Variants in SEPTIN11 observed in about 807,000 individuals in gnomAD.
The protein encoded by SEPTIN11 is septin 11.
A neutral mutation model predicts 51.4 loss-of-function variants in SEPTIN11; 25 were observed. The ratio of observed to expected loss-of-function variants is 0.49; its 90% confidence interval spans 0.35 to 0.68. SEPTIN11 has a LOEUF of 0.68. SEPTIN11 is among the 30% of genes least tolerant of loss of function. SEPTIN11 has a pLI of 0.00. For missense variants in SEPTIN11, 381 were observed against 520.8 expected, an observed-to-expected ratio of 0.73 and a Z score of 2.61; for synonymous variants, 174 against 184.1, an observed-to-expected ratio of 0.95 and a Z score of 0.44.
intron 1 of SEPTIN11, among the ~76,000 whole-genome samples, chr4:76,966,925 G>C (rs528734413): frequency 6.6e-6 from 1 of 152,106 alleles, no homozygotes; most frequent in Non-Finnish European, 1.5e-5. Flanking sequence ...TTAGAAAAGT[G>C]CTTAACCTGG....
chr4:76,949,795 C>G lies in SEPTIN11; in HGVS notation c.-109C>G. ...GCCAGCGGGACGCCGGCGAGCAGAG[C>G]GCAGCCGCGAGGGAGGCGCGAGGGA... On this transcript the variant is annotated 5_prime_UTR_variant, in exon 1 of 10. Transcript: ENST00000264893. 1 of 1,237,004 alleles carries G rather than the reference C, an allele frequency of 8.1e-7. No homozygotes were observed. The highest frequency in any genetic ancestry group is 1.1e-6 in the Non-Finnish European group (1 of 898,526). The allele number at this position is 1,237,004 out of a possible 1,614,324, so 76.6% of individuals were successfully genotyped here.
intron 8 of SEPTIN11, among the ~76,000 whole-genome samples, chr4:77,029,939 A>G (rs1034838941): frequency 5.9e-5 from 9 of 152,132 alleles, no homozygotes; most frequent in African/African-American, 1.7e-4. Flanking sequence ...CACTTTTACC[A>G]CTAGGGTGAG....
At chr4:77,019,312 A>G (rs755566840) in intron 6 of SEPTIN11, 51 bp downstream of exon 6, 4 of 1,452,044 alleles carry the variant, frequency 2.8e-6, no homozygotes, top group Non-Finnish European at 3.8e-6. Flanking sequence ...CCCTATGTGA[A>G]TGGCCGTGTT....
chr4:77,003,982 G>GAA (rs1427925565), intron 2 of SEPTIN11, among the ~76,000 whole-genome samples: 3 of 152,050 alleles, frequency 2.0e-5, no homozygotes, highest in Non-Finnish European at 4.4e-5. Flanking sequence ...GATTAAGAAA[G>GAA]AAAAAAGGTA....
chr4:76,973,508 C>T (rs1722341993), intron 1 of SEPTIN11, among the ~76,000 whole-genome samples: 1 of 152,230 alleles, frequency 6.6e-6, no homozygotes, highest in African/African-American at 2.4e-5. Context: ...GGTTCCTCAT[C>T]AGCTCTTCAG....
At chr4:76,971,563 ATTAGATTTAGAT>A (rs142726124) in intron 1 of SEPTIN11, among the ~76,000 whole-genome samples, 7 of 151,668 alleles carry the variant, frequency 4.6e-5, no homozygotes, top group Non-Finnish European at 5.9e-5. Flanking sequence ...TTAGCTTAAG[ATTAGATTTAGAT>A]TTAGATTTAG....
In SEPTIN11 at chr4:77,020,598, A is replaced by G. The variant is rs771206259; in HGVS notation, c.881A>G (p.Tyr294Cys). 1 of 1,614,110 alleles carries G rather than the reference A, an allele frequency of 6.2e-7. No homozygotes were observed. The change falls in exon 7 of 10, where the codon TAT (tyrosine) becomes TGT (cysteine). Residue 294 changes from tyrosine (Y) to cysteine (C), a missense_variant. Around this residue, in one of 2 missense-constraint regions of SEPTIN11, gnomAD observed 197 missense variants for 313.1 expected, o/e 0.63. Transcript: ENST00000264893. ...DLREQTHTRHYELYRRCKLEE... is the reference protein window; with the variant it reads ...DLREQTHTRHCELYRRCKLEE... ...CGAGAGCAGACTCACACCCGCCACT[A>G]TGAATTGTACCGACGCTGTAAGCTT...
chr4:76,955,815 A>G (rs1364041172), intron 1 of SEPTIN11, among the ~76,000 whole-genome samples: 1 of 152,228 alleles, frequency 6.6e-6, no homozygotes, highest in African/African-American at 2.4e-5. Flanking sequence ...CGACAATGCT[A>G]GATCTTCCTC....
At chr4:76,992,012 G>A (rs1029979377) in intron 1 of SEPTIN11, among the ~76,000 whole-genome samples, 4 of 152,166 alleles carry the variant, frequency 2.6e-5, no homozygotes, top group African/African-American at 9.7e-5. Context: ...AAGATGGAGT[G>A]GGCTATAGAA....
At chr4:77,009,220 A>T (rs1247165506) in intron 3 of SEPTIN11, among the ~76,000 whole-genome samples, 2 of 152,222 alleles carry the variant, frequency 1.3e-5, no homozygotes, top group Non-Finnish European at 2.9e-5. Flanking sequence ...TCCAGGTTGA[A>T]TCCCAGGTTT....
chr4:77,019,477 G>C (rs1230911734), intron 6 of SEPTIN11, among the ~76,000 whole-genome samples: 3 of 152,230 alleles, frequency 2.0e-5, no homozygotes, highest in African/African-American at 7.2e-5. Flanking sequence ...CCAAGCCCTT[G>C]AGGTAACCCC....
At chr4:76,996,226 A>T (rs1010048243) in intron 1 of SEPTIN11, among the ~76,000 whole-genome samples, 199 bp from the exon 2 acceptor site, 1 of 152,148 alleles carries the variant, frequency 6.6e-6, no homozygotes, top group African/African-American at 2.4e-5. Context: ...CTGCTTTGGG[A>T]GACTGTGACT....
At chr4:77,027,906 T>G (rs1039352381) in intron 7 of SEPTIN11, among the ~76,000 whole-genome samples, 1 of 152,110 alleles carries the variant, frequency 6.6e-6, no homozygotes, top group African/African-American at 2.4e-5. Context: ...AGGAGGAGGA[T>G]AGAATTGAAA....
chr4:76,959,284 T>A (rs184747421), intron 1 of SEPTIN11: 2,080 of 158,978 alleles, frequency 0.013, 46 homozygotes, highest in African/African-American at 0.049. Context: ...TAATAATAAT[T>A]ATTATTTTTA....
chr4:77,031,104 G>T (rs1344202126), intron 9 of SEPTIN11, 134 bp downstream of exon 9: 4 of 778,352 alleles, frequency 5.1e-6, no homozygotes, highest in Non-Finnish European at 8.0e-6. Context: ...TCTCTACAGT[G>T]CAGGGAAGAT....
At chr4:76,998,160 G>A (rs979914420) in intron 2 of SEPTIN11, among the ~76,000 whole-genome samples, 9 of 152,102 alleles carry the variant, frequency 5.9e-5, no homozygotes, top group Non-Finnish European at 8.8e-5. Context: ...TACAATACCT[G>A]TGATTCTTAG....
At position 77,030,866 on chromosome 4, in the gene SEPTIN11, G is replaced by C; in HGVS notation, c.1170G>C (p.Glu390Asp). 1 of 1,613,886 alleles carries C rather than the reference G, an allele frequency of 6.2e-7. No homozygotes were observed. Among genetic ancestry groups the C allele is most frequent in the Non-Finnish European group, 8.5e-7 (1 of 1,179,946 alleles). The part of the protein sequence containing the change: ...KVEDKKKELE[E>D]EVNNFQKKKA... Reference sequence around the variant, plus strand: ...AAGACAAGAAGAAGGAGCTTGAGGAGGAGGTGAACAACTTCCAGAAGAAGA... The same window carrying C: ...AAGACAAGAAGAAGGAGCTTGAGGACGAGGTGAACAACTTCCAGAAGAAGA... Residue 390 changes from glutamate (E) to aspartate (D), a missense_variant, in exon 9 of 10, where the codon GAG becomes GAC. Glu to Asp is a conservative substitution (Grantham distance 45). This residue lies in a region of SEPTIN11 where 197 missense variants were observed against 313.1 expected (regional missense o/e 0.63). Transcript: ENST00000264893.
At position 77,036,640 on chromosome 4, in the gene SEPTIN11, CAAAT is replaced by C; in HGVS notation, c.*2130_*2133del. The stretch of plus-strand genomic sequence containing the variant: ...TCAGGGAATAAAAAGTCAAAAGAAA[CAAAT>C]AGAAGCTTTTTTTTTTAAAAAATGT... On this transcript the variant is annotated 3_prime_UTR_variant, in exon 10 of 10. Transcript: ENST00000264893. 1 of 1,485,114 alleles carries C rather than the reference CAAAT, an allele frequency of 6.7e-7. No individual in the cohort carries two copies. Among genetic ancestry groups the C allele is most frequent in the Non-Finnish European group, 8.8e-7 (1 of 1,130,432 alleles). 92.0% of individuals were successfully genotyped at this position (1,485,114 alleles called of 1,614,324 possible). A position where few individuals can be genotyped will look rare whatever the true frequency, so the allele number is the denominator to read the frequency against.
At position 77,036,163 on chromosome 4, in the gene SEPTIN11, TTAGTTTCATGGAAGCC is replaced by T. The variant is rs1282865716; in HGVS notation, c.*1654_*1669del. On this transcript the variant is annotated 3_prime_UTR_variant, in exon 10 of 10. Coordinates refer to ENST00000264893, the MANE Select transcript of SEPTIN11 (RefSeq NM_018243.4). ...TGCTTAATTAAGCAAAGTAAGGAAA[TTAGTTTCATGGAAGCC>T]TAAACAAAGCTGGAATAGAAACTAC... The T allele has an allele frequency of 1.0e-6, 1 of 986,982 alleles. No homozygotes were observed. The highest frequency in any genetic ancestry group is 1.7e-5 in the African/African-American group (1 of 57,242). 61.1% of individuals were successfully genotyped at this position (986,982 alleles called of 1,614,324 possible). A position where few individuals can be genotyped will look rare whatever the true frequency, so the allele number is the denominator to read the frequency against.
Sources: gnomAD v4.1 joint callset for allele counts (sites outside exome capture counted in the v4.1 genomes callset) on GRCh38, gnomAD v4.1.1 for gene constraint, gnomAD v4.1.1 regional missense constraint, MANE v1.5 for transcripts, NCBI Gene and HGNC (gene_info 2026-07-23, HGNC 2026-07-21) for gene names.